The following FCAR variants were observed in gnomAD, a reference collection of about 807,000 sequenced individuals.
FCAR encodes immunoglobulin alpha Fc receptor.
FCAR carries 21 observed loss-of-function variants against 27.1 expected under a neutral mutation model. That is an observed-to-expected ratio of 0.77 (90% confidence interval 0.55 to 1.11). The LOEUF is 1.11. Ranked by LOEUF, FCAR falls within the 50% of genes most tolerant of loss-of-function variation. FCAR has a pLI of 0.00. For missense variants in FCAR, 404 were observed against 358.4 expected (o/e 1.13, Z -1.03); for synonymous variants, 134 against 135.8 (o/e 0.99, Z 0.09).
At chr19:54,878,727 T>C (rs2066239084) in intron 2 of FCAR, among the ~76,000 whole-genome samples, 6 of 148,802 alleles carry the variant, frequency 4.0e-5, no homozygotes, top group Admixed American at 2.0e-4. Flanking sequence ...CTGTTTTGTC[T>C]GAAATTTTAA....
intron 2 of FCAR, among the ~76,000 whole-genome samples, chr19:54,876,382 GA>G (rs1414352592): frequency 6.6e-6 from 1 of 152,196 alleles, no homozygotes; most frequent in East Asian, 1.9e-4. Flanking sequence ...GAAGTAGTGA[GA>G]GACGGCATCC....
intron 2 of FCAR, among the ~76,000 whole-genome samples, chr19:54,878,612 C>T (rs779710900): frequency 1.6e-4 from 25 of 151,930 alleles, no homozygotes; most frequent in Middle Eastern, 3.4e-3. Context: ...TAGCAGATTC[C>T]GACTTCCGTG....
At chr19:54,880,506 C>G (rs756331245) in intron 2 of FCAR, among the ~76,000 whole-genome samples, 3 of 152,226 alleles carry the variant, frequency 2.0e-5, no homozygotes, top group Non-Finnish European at 2.9e-5. Flanking sequence ...TCTCCTGAAT[C>G]TTGATGACCT....
chr19:54,877,209 G>A (rs937089050), intron 2 of FCAR, among the ~76,000 whole-genome samples: 1 of 152,148 alleles, frequency 6.6e-6, no homozygotes, highest in East Asian at 1.9e-4. Context: ...ATGGGATTCA[G>A]CTGTGAGTCT....
Position 54,888,351 on chromosome 19 carries a change from C to T in FCAR, c.649+57C>T, listed in dbSNP as rs763459285. 5.5e-5 allele frequency: 88 copies of T among 1,592,186 alleles called. 1 individual carries two copies. In the South Asian group the frequency reaches 5.8e-4, roughly 10 times the overall value. On this transcript the variant is annotated intron_variant, in intron 4 of 4. Coordinates refer to ENST00000355524, the MANE Select transcript of FCAR (RefSeq NM_002000.4). ...GGTTGGCTGTCCAGGGCCTTGCCACCGGGCAGGAATATGAAGACGTGCACT... is the reference window on the plus strand; with the variant it reads ...GGTTGGCTGTCCAGGGCCTTGCCACTGGGCAGGAATATGAAGACGTGCACT...
intron 3 of FCAR, among the ~76,000 whole-genome samples, chr19:54,887,290 C>T (rs62123424): frequency 0.32 from 48,318 of 151,720 alleles, 8,007 homozygotes; most frequent in Admixed American, 0.44. Flanking sequence ...GCCTGGGCGA[C>T]AGAGTGAGAC....
rs574049906 is a variant in FCAR, at chr19:54,874,475, A to G, written c.34+152A>G. The G allele has an allele frequency of 1.7e-5, 13 of 743,298 alleles. No homozygotes were observed. The African/African-American group carries it at 2.1e-4, about 12-fold the overall frequency. The allele number at this position is 743,298 out of a possible 1,614,324, so 46.0% of individuals were successfully genotyped here. On this transcript the variant is annotated intron_variant, in intron 1 of 4. Transcript: ENST00000355524. ...AAAGGCCGTCTTTGTCAATGTATCTATAACTTTGTCTCTACCCAAGCCCAA... is the reference window on the plus strand; with the variant it reads ...AAAGGCCGTCTTTGTCAATGTATCTGTAACTTTGTCTCTACCCAAGCCCAA...
At chr19:54,878,578 G>A (rs1472577067) in intron 2 of FCAR, among the ~76,000 whole-genome samples, 2 of 151,106 alleles carry the variant, frequency 1.3e-5, no homozygotes. Flanking sequence ...TTTTGATTCA[G>A]CAGTTGGGCT....
chr19:54,883,461 C>T (rs762224895), intron 2 of FCAR, among the ~76,000 whole-genome samples: 8 of 152,112 alleles, frequency 5.3e-5, no homozygotes, highest in Non-Finnish European at 7.4e-5. Context: ...GGTGGGCAGA[C>T]AGGCTGTATC....
intron 2 of FCAR, among the ~76,000 whole-genome samples, chr19:54,883,577 G>A (rs1184439729): frequency 1.3e-5 from 2 of 152,142 alleles, no homozygotes; most frequent in African/African-American, 4.8e-5. Context: ...GGCTCCTCAC[G>A]GCTTGGTCGC....
chr19:54,885,826 T>C (rs1321570542), intron 3 of FCAR, among the ~76,000 whole-genome samples: 2 of 152,232 alleles, frequency 1.3e-5, no homozygotes, highest in Non-Finnish European at 2.9e-5. Context: ...AGATTTCACA[T>C]TGCGGCTGGG....
chr19:54,885,508 T>C lies in FCAR; in HGVS notation c.344T>C (p.Leu115Pro), dbSNP rs1368490290. 1 of 1,611,706 alleles carries C rather than the reference T, an allele frequency of 6.2e-7. No homozygotes were observed. The highest frequency in any genetic ancestry group is 8.5e-7 in the Non-Finnish European group (1 of 1,177,920). ...GHYRFRYSDT[L>P]ELVVTGLYGK... ...TACAGGTTCCGGTACAGTGACACCC[T>C]GGAGCTGGTAGTGACAGGTAAGGAA... Residue 115 changes from leucine to proline, a missense_variant, in exon 3 of 5, where the codon CTG (leucine) becomes CCG (proline). Coordinates refer to ENST00000355524, the MANE Select transcript of FCAR (RefSeq NM_002000.4).
chr19:54,881,511 G>A (rs1476035609), intron 2 of FCAR, among the ~76,000 whole-genome samples: 2 of 152,118 alleles, frequency 1.3e-5, no homozygotes, highest in Non-Finnish European at 2.9e-5. Flanking sequence ...TTGAAGAGCA[G>A]GGGGTTGAGG....
At chr19:54,877,281 A>G (rs1450330813) in intron 2 of FCAR, among the ~76,000 whole-genome samples, 2 of 152,032 alleles carry the variant, frequency 1.3e-5, no homozygotes, top group African/African-American at 4.8e-5. Flanking sequence ...TTTGGAGCTC[A>G]TTATTGGTCT....
intron 1 of FCAR, 70 bp from the exon 2 acceptor site, chr19:54,875,260 A>G: frequency 1.5e-6 from 2 of 1,346,156 alleles, no homozygotes; most frequent in East Asian, 4.6e-5. Context: ...CTGGTCTGTC[A>G]TTACAGAGGG....
intron 2 of FCAR, among the ~76,000 whole-genome samples, chr19:54,876,648 T>G (rs1332258002): frequency 1.3e-5 from 2 of 152,134 alleles, no homozygotes; most frequent in South Asian, 2.1e-4. Context: ...GGCCGGGCAC[T>G]GTGGCTCATG....
At chr19:54,886,428 C>T (rs2066734127) in intron 3 of FCAR, among the ~76,000 whole-genome samples, 1 of 150,956 alleles carries the variant, frequency 6.6e-6, no homozygotes, top group Non-Finnish European at 1.5e-5. Flanking sequence ...CTGCCTCAGC[C>T]TCCCGAGTAG....
In FCAR at chr19:54,890,048, GGTTCAAGT is replaced by G. The variant is rs1216000491; in HGVS notation, c.*187_*194del. ...CAATCTCGGCTCATTGAACCTCTTG[GGTTCAAGT>G]GATTCTTGTGCCTCAGCCTCCCAAG... On this transcript the variant is annotated 3_prime_UTR_variant, in exon 5 of 5. Coordinates refer to ENST00000355524, the MANE Select transcript of FCAR (RefSeq NM_002000.4). The G allele has an allele frequency of 1.7e-6, 1 of 591,988 alleles. No individual in the cohort carries two copies. The highest frequency in any genetic ancestry group is 3.0e-6 in the Non-Finnish European group (1 of 332,764). The allele number at this position is 591,988 out of a possible 1,614,324, so 36.7% of individuals were successfully genotyped here.
Position 54,888,693 on chromosome 19 carries a change from A to G in FCAR, c.649+399A>G, listed in dbSNP as rs998200915. On this transcript the variant is annotated intron_variant, in intron 4 of 4. Coordinates refer to ENST00000355524, the MANE Select transcript of FCAR (RefSeq NM_002000.4). ...CTCCTGAGTAGCTGGGACCACACAGACAGGGTTTCACCATGTTGGCCAGGC... is the reference window on the plus strand; with the variant it reads ...CTCCTGAGTAGCTGGGACCACACAGGCAGGGTTTCACCATGTTGGCCAGGC... 36 of 570,666 alleles carry G rather than the reference A, an allele frequency of 6.3e-5. No homozygotes were observed. The African/African-American group carries it at 7.1e-4, about 11-fold the overall frequency. The allele number at this position is 570,666 out of a possible 1,614,324, so 35.4% of individuals were successfully genotyped here. A position where few individuals can be genotyped will look rare whatever the true frequency, so the allele number is the denominator to read the frequency against.
Sources: gnomAD v4.1 joint callset for allele counts (sites outside exome capture counted in the v4.1 genomes callset) on GRCh38, gnomAD v4.1.1 for gene constraint, MANE v1.5 for transcripts, NCBI Gene and HGNC (gene_info 2026-07-23, HGNC 2026-07-21) for gene names.